The following PTPRO variants were observed in gnomAD, a reference collection of about 807,000 sequenced individuals.
PTPRO encodes the protein protein tyrosine phosphatase receptor type O.
Under a neutral mutation model 145.2 loss-of-function variants are expected in PTPRO, and 62 were observed. The ratio of observed to expected loss-of-function variants is 0.43; its 90% CI spans 0.35 to 0.53. The LOEUF (loss-of-function observed/expected upper bound fraction) is 0.53. Among genes scored for constraint, PTPRO ranks in the 20% least tolerant of loss-of-function variants. PTPRO has a pLI of 0.01. For missense variants in PTPRO, 1,345 were observed against 1,482.7 expected (o/e 0.91, Z 1.53); for synonymous variants, 565 against 514.7 (o/e 1.10, Z -1.32).
rs1441977089 is a variant in PTPRO at position 15,597,268 on chromosome 12, T to C, written c.*1195T>C. 2.6e-5 allele frequency: 4 copies of C among 152,216 alleles called. No homozygotes were observed. Among genetic ancestry groups the C allele is most frequent in the African/African-American group, 7.2e-5 (3 of 41,444 alleles). 9.4% of individuals were successfully genotyped at this position (152,216 alleles called of 1,614,324 possible). A position where few individuals can be genotyped will look rare whatever the true frequency, so the allele number is the denominator to read the frequency against. ...TGACATGAATGCTGTCAAAATGACATTGATGGCATTGTGAAGCCTGTTACT... is the reference window on the plus strand; with the variant it reads ...TGACATGAATGCTGTCAAAATGACACTGATGGCATTGTGAAGCCTGTTACT... On this transcript the variant is annotated 3_prime_UTR_variant, in exon 27 of 27. Coordinates refer to ENST00000281171, the MANE Select transcript of PTPRO (RefSeq NM_030667.3).
At chr12:15,462,532 C>A (rs1941328630) in intron 1 of PTPRO, among the ~76,000 whole-genome samples, 1 of 152,306 alleles carries the variant, frequency 6.6e-6, no homozygotes, top group Middle Eastern at 3.4e-3. Context: ...ACTGTTATTG[C>A]TTATTTGTAA....
At chr12:15,484,822 A>C (rs562498347) in intron 2 of PTPRO, among the ~76,000 whole-genome samples, 1 of 152,282 alleles carries the variant, frequency 6.6e-6, no homozygotes, top group East Asian at 1.9e-4. Flanking sequence ...TGTCATAAAG[A>C]GTTAAGGCTG....
chr12:15,363,374 AT>A (rs1321276727), intron 1 of PTPRO, among the ~76,000 whole-genome samples: 1 of 152,184 alleles, frequency 6.6e-6, no homozygotes, highest in Non-Finnish European at 1.5e-5. Context: ...TGGGCTACAA[AT>A]TAAACATACC....
chr12:15,500,986 G>A (rs1942209976), intron 4 of PTPRO, among the ~76,000 whole-genome samples: 1 of 152,172 alleles, frequency 6.6e-6, no homozygotes, highest in Admixed American at 6.5e-5. Flanking sequence ...TGAAGAACAA[G>A]TAGAAACTGT....
At chr12:15,533,640 C>A (rs1436048879) in intron 12 of PTPRO, among the ~76,000 whole-genome samples, 1 of 152,106 alleles carries the variant, frequency 6.6e-6, no homozygotes, top group Non-Finnish European at 1.5e-5. Flanking sequence ...ACCTGAATTG[C>A]AGGTTTTGTG....
rs149572182 is a variant in PTPRO, at chr12:15,355,139, T to C, written c.75+32338T>C. Among the ~76,000 whole-genome samples, 221 of 152,294 alleles carry C rather than the reference T, an allele frequency of 1.5e-3. 2 individuals carry two copies. The highest frequency in any genetic ancestry group is 5.2e-3 in the African/African-American group (215 of 41,562). On this transcript the variant is annotated intron_variant, in intron 1 of 26. Coordinates refer to ENST00000281171, the MANE Select transcript of PTPRO (RefSeq NM_030667.3). ...AAAGTAAGACCACTACGGCTCACAT[T>C]GGTGGCATTTCCCTATGTGTCTTTG...
At chr12:15,526,099 C>A in intron 11 of PTPRO, 43 bp from the exon 12 acceptor site, 1 of 1,612,972 alleles carries the variant, frequency 6.2e-7, no homozygotes, top group South Asian at 1.1e-5. Context: ...TGCACTGATT[C>A]ATTCACTAAA....
At chr12:15,538,637 G>A (rs987655838) in intron 12 of PTPRO, among the ~76,000 whole-genome samples, 6 of 152,186 alleles carry the variant, frequency 3.9e-5, no homozygotes, top group African/African-American at 1.4e-4. Flanking sequence ...GACACATAGG[G>A]CAATGACTGT....
intron 1 of PTPRO, among the ~76,000 whole-genome samples, chr12:15,464,918 A>T (rs1225106310): frequency 6.6e-6 from 1 of 152,204 alleles, no homozygotes; most frequent in African/African-American, 2.4e-5. Context: ...TAATAATAAA[A>T]ATCATTTTTA....
intron 12 of PTPRO, 31 bp downstream of exon 12, chr12:15,526,293 A>T: frequency 6.2e-7 from 1 of 1,612,044 alleles, no homozygotes. Flanking sequence ...TGGGTGTGAA[A>T]TAATCACTAA....
chr12:15,427,852 T>C (rs1940325945), intron 1 of PTPRO, among the ~76,000 whole-genome samples: 1 of 152,114 alleles, frequency 6.6e-6, no homozygotes. Context: ...AGCATTATCA[T>C]GGTTTCCTCT....
intron 7 of PTPRO, among the ~76,000 whole-genome samples, chr12:15,514,916 C>A (rs994180043): frequency 6.6e-6 from 1 of 152,086 alleles, no homozygotes; most frequent in Non-Finnish European, 1.5e-5. Context: ...GCACCTGCCA[C>A]CATGCCTGGC....
At chr12:15,377,402 C>G in intron 1 of PTPRO, among the ~76,000 whole-genome samples, 1 of 152,014 alleles carries the variant, frequency 6.6e-6, no homozygotes. Context: ...TGATTCAACT[C>G]TACACTGTCT....
At chr12:15,418,026 TAAG>T (rs1393236882) in intron 1 of PTPRO, among the ~76,000 whole-genome samples, 1 of 151,864 alleles carries the variant, frequency 6.6e-6, no homozygotes, top group Non-Finnish European at 1.5e-5. Flanking sequence ...CATGATGACA[TAAG>T]AAGCTTGTGC....
intron 23 of PTPRO, among the ~76,000 whole-genome samples, chr12:15,583,966 T>C (rs1040590952): frequency 6.6e-6 from 1 of 152,236 alleles, no homozygotes; most frequent in African/African-American, 2.4e-5. Context: ...AAATTCACAT[T>C]GCTTCCTTGT....
At chr12:15,515,710 A>C in intron 8 of PTPRO, 92 bp downstream of exon 8, 1 of 1,535,016 alleles carries the variant, frequency 6.5e-7, no homozygotes, top group Non-Finnish European at 9.0e-7. Flanking sequence ...TTATCATCGT[A>C]TTTGGAAGGT....
At chr12:15,399,009 A>G (rs1939419616) in intron 1 of PTPRO, among the ~76,000 whole-genome samples, 1 of 152,198 alleles carries the variant, frequency 6.6e-6, no homozygotes, top group Non-Finnish European at 1.5e-5. Flanking sequence ...GGCTGAATGA[A>G]CACCTATCAA....
At chr12:15,443,622 T>C (rs965652384) in intron 1 of PTPRO, among the ~76,000 whole-genome samples, 1 of 152,026 alleles carries the variant, frequency 6.6e-6, no homozygotes, top group African/African-American at 2.4e-5. Context: ...ATATCTAGAA[T>C]TCACATGAAA....
rs576383714 is a variant in PTPRO, at chr12:15,572,353, CAGTAT to C, written c.2829+2867_2829+2871del. 6.7e-4 allele frequency among the ~76,000 whole-genome samples: 102 copies of C among 152,202 alleles called. 1 individual carries two copies. Among genetic ancestry groups the C allele is most frequent in the African/African-American group, 2.4e-3 (98 of 41,536 alleles). On this transcript the variant is annotated intron_variant, in intron 19 of 26. Transcript: ENST00000281171. ...CCCAGTGTTCCTAAAACTATACAAA[CAGTAT>C]AGTATAGTATATACTTCCTAAAACT...
Sources: allele counts gnomAD v4.1 joint callset (sites outside exome capture counted in the v4.1 genomes callset), GRCh38; gene constraint gnomAD v4.1.1; transcripts MANE v1.5; gene names NCBI Gene and HGNC (gene_info 2026-07-23, HGNC 2026-07-21).